The following ASB4 variants were observed in gnomAD, a reference collection of about 807,000 sequenced individuals.
ASB4 encodes ankyrin repeat and SOCS box protein 4.
A neutral mutation model predicts 38.6 loss-of-function variants in ASB4; 35 were observed. That is an observed-to-expected ratio of 0.91 (90% CI 0.69 to 1.20). The LOEUF is 1.20. Among genes scored for constraint, ASB4 ranks in the 50% most tolerant of loss-of-function variants. The probability of loss-of-function intolerance (pLI) is 0.00; values close to 1 mark genes in which losing one functional copy is unlikely to be tolerated. For synonymous variants in ASB4, 195 were observed against 201.3 expected (o/e 0.97, Z 0.26); for missense variants, 557 against 527.2 (o/e 1.06, Z -0.55).
At chr7:95,480,391 A>T (rs1045107555) in intron 1 of ASB4, among the ~76,000 whole-genome samples, 1 of 152,120 alleles carries the variant, frequency 6.6e-6, no homozygotes, top group Non-Finnish European at 1.5e-5. Flanking sequence ...ATTGATTCTC[A>T]CTTCCTGGTT....
chr7:95,481,338 C>G (rs1351429117), upstream of ASB4, among the ~76,000 whole-genome samples: 1 of 151,306 alleles, frequency 6.6e-6, no homozygotes, highest in Non-Finnish European at 1.5e-5. Context: ...TAACACTAAC[C>G]TATAAAAGAA....
intron 1 of ASB4, among the ~76,000 whole-genome samples, chr7:95,479,841 A>G (rs1325453051): frequency 1.3e-5 from 2 of 152,196 alleles, no homozygotes; most frequent in East Asian, 1.9e-4. Flanking sequence ...AGCTTCATTG[A>G]GCTTCAAAAA....
At position 95,493,028 on chromosome 7, in the gene ASB4, C is replaced by T. The variant is rs1324504606; in HGVS notation, c.188-2730C>T. Among the ~76,000 whole-genome samples, 3 of 152,248 alleles carry T rather than the reference C, an allele frequency of 2.0e-5. No individual in the cohort carries two copies. The East Asian group carries it at 5.8e-4, about 29-fold the overall frequency. On this transcript the variant is annotated intron_variant, in intron 1 of 4. Coordinates refer to ENST00000325885, the MANE Select transcript of ASB4 (RefSeq NM_016116.3). ...ATATCAATTTGCACACACATACACA[C>T]GAGGCGTGGAGTTGATGCTCCCCAG...
chr7:95,525,015 C>T (rs73439825), intron 2 of ASB4, among the ~76,000 whole-genome samples: 7,855 of 152,256 alleles, frequency 0.052, 369 homozygotes, highest in South Asian at 0.13. Flanking sequence ...AAAGTGTCTG[C>T]GTGCCTAAAT....
At chr7:95,535,256 G>A (rs1176785020) in intron 3 of ASB4, among the ~76,000 whole-genome samples, 3 of 152,212 alleles carry the variant, frequency 2.0e-5, no homozygotes, top group Non-Finnish European at 4.4e-5. Context: ...AGTCGGTTTT[G>A]TGATCTTTTG....
chr7:95,502,308 T>C (rs971992850), intron 2 of ASB4, among the ~76,000 whole-genome samples: 5 of 149,172 alleles, frequency 3.4e-5, no homozygotes. Context: ...TTAATAAGCA[T>C]ACAAAAGATA....
intron 1 of ASB4, among the ~76,000 whole-genome samples, chr7:95,490,919 G>A (rs1477953087): frequency 6.6e-6 from 1 of 152,224 alleles, no homozygotes; most frequent in African/African-American, 2.4e-5. Context: ...TCAGTTTGGA[G>A]GTAAACTGCA....
At chr7:95,507,588 G>C (rs1435679543) in intron 2 of ASB4, among the ~76,000 whole-genome samples, 2 of 152,122 alleles carry the variant, frequency 1.3e-5, no homozygotes, top group Non-Finnish European at 2.9e-5. Flanking sequence ...TAAACCATAA[G>C]TTTCAGGAGA....
the ASB4 span, among the ~76,000 whole-genome samples, chr7:95,549,411 C>T: frequency 6.6e-6 from 1 of 151,140 alleles, no homozygotes; most frequent in Non-Finnish European, 1.5e-5. Context: ...ATTCTCCTGC[C>T]TCAGCCTCCC....
intron 3 of ASB4, among the ~76,000 whole-genome samples, chr7:95,532,359 T>C (rs1790830220): frequency 6.6e-6 from 1 of 152,162 alleles, no homozygotes; most frequent in Non-Finnish European, 1.5e-5. Flanking sequence ...AAAAGAATTA[T>C]AGGGTCTGCA....
Position 95,513,263 on chromosome 7 carries a change from T to G in ASB4, c.488-14550T>G, listed in dbSNP as rs1049563719. On this transcript the variant is annotated intron_variant, in intron 2 of 4. Coordinates refer to ENST00000325885, the MANE Select transcript of ASB4 (RefSeq NM_016116.3). ...TTTTGTTTTTTGTTTGTTTTTTTTT[T>G]TTTTTTTTTTTAGAAATCGAGCCAA... Among the ~76,000 whole-genome samples the G allele has an allele frequency of 1.8e-4, 26 of 142,312 alleles. No individual in the cohort carries two copies. In the East Asian group the frequency reaches 4.6e-3, roughly 25 times the overall value. 93.4% of individuals were successfully genotyped at this position (142,312 alleles called of 152,430 possible).
intron 2 of ASB4, among the ~76,000 whole-genome samples, chr7:95,504,041 T>A (rs1434440697): frequency 6.6e-6 from 1 of 152,218 alleles, no homozygotes; most frequent in East Asian, 1.9e-4. Context: ...AAGGCTTATT[T>A]ACCCTGCTGA....
the ASB4 span, among the ~76,000 whole-genome samples, chr7:95,471,213 G>T: frequency 9.1e-4 from 138 of 152,262 alleles, no homozygotes; most frequent in African/African-American, 2.2e-3. Context: ...GAAAAAAGAC[G>T]CACGTCCCCT....
upstream of ASB4, among the ~76,000 whole-genome samples, chr7:95,477,179 C>A (rs1789985202): frequency 1.3e-5 from 2 of 152,090 alleles, no homozygotes; most frequent in Non-Finnish European, 2.9e-5. Flanking sequence ...CATCATGTGG[C>A]CTGACGTGTT....
the ASB4 span, among the ~76,000 whole-genome samples, chr7:95,548,541 G>T: frequency 6.6e-6 from 1 of 152,156 alleles, no homozygotes; most frequent in Admixed American, 6.6e-5. Context: ...TGCTTATAAA[G>T]TACTCAGCAA....
intron 3 of ASB4, 126 bp downstream of exon 3, chr7:95,528,429 A>T: frequency 1.3e-6 from 2 of 1,513,508 alleles, no homozygotes; most frequent in South Asian, 2.6e-5. Context: ...ATCCTCTTTG[A>T]CCTTCCATTA....
intron 2 of ASB4, among the ~76,000 whole-genome samples, chr7:95,515,257 T>TTC (rs1562817161): frequency 1.1e-3 from 151 of 137,178 alleles, no homozygotes; most frequent in Admixed American, 1.8e-3. Context: ...CTTTCCTTCT[T>TTC]TCTTTCTTTC....
In ASB4 at chr7:95,488,402, G is replaced by C. The variant is rs1562808897; in HGVS notation, c.187+2244G>C. Among the ~76,000 whole-genome samples the C allele has an allele frequency of 3.3e-5, 5 of 152,126 alleles. No homozygotes were observed. The South Asian group carries it at 1.0e-3, about 32-fold the overall frequency. ...TTCACATGCTTCCAACCTTATCATC[G>C]ATCCTTTTAAACTTAGGAATGGAAA... On this transcript the variant is annotated intron_variant, in intron 1 of 4. Transcript: ENST00000325885.
At chr7:95,515,197 CTTTCTTTCTTTCT>C (rs1790544978) in intron 2 of ASB4, among the ~76,000 whole-genome samples, 1 of 127,686 alleles carries the variant, frequency 7.8e-6, no homozygotes, top group Non-Finnish European at 1.6e-5. Flanking sequence ...TTCTTTCTTT[CTTTCTTTCTTTCT>C]TTCTTTCTTT....
Sources: gnomAD v4.1 joint callset for allele counts (sites outside exome capture counted in the v4.1 genomes callset) on GRCh38, gnomAD v4.1.1 for gene constraint, MANE v1.5 for transcripts, NCBI Gene and HGNC (gene_info 2026-07-23, HGNC 2026-07-21) for gene names.